The following OTOF variants were observed in gnomAD, a reference collection of about 807,000 sequenced individuals.
OTOF encodes fer-1-like family member 2.
OTOF carries 218 observed loss-of-function variants against 236.8 expected under a neutral mutation model. The observed-to-expected ratio is 0.92, with a 90% CI of 0.82 to 1.03. The LOEUF (loss-of-function observed/expected upper bound fraction) is 1.03, where lower values mean the gene tolerates loss of function less well. Ranked by LOEUF, OTOF falls within the 50% of genes least tolerant of loss-of-function variation. The probability of loss-of-function intolerance (pLI) is 0.00; values close to 1 mark genes in which losing one functional copy is unlikely to be tolerated. For synonymous variants in OTOF, 1,041 were observed against 1,072.5 expected, an observed-to-expected ratio of 0.97 and a Z score of 0.57; for missense variants, 2,590 against 2,694.4, an observed-to-expected ratio of 0.96 and a Z score of 0.86.
Position 26,461,567 on chromosome 2 carries a change from T to C in OTOF, c.5533+129A>G, listed in dbSNP as rs1664462846. 3 of 1,288,854 alleles carry C rather than the reference T, an allele frequency of 2.3e-6. No homozygotes were observed. Among genetic ancestry groups the C allele is most frequent in the Non-Finnish European group, 3.3e-6 (3 of 921,754 alleles). 79.8% of individuals were successfully genotyped at this position (1,288,854 alleles called of 1,614,324 possible). A position where few individuals can be genotyped will look rare whatever the true frequency, so the allele number is the denominator to read the frequency against. On this transcript the variant is annotated intron_variant, in intron 43 of 46. Coordinates refer to ENST00000272371, the MANE Select transcript of OTOF (RefSeq NM_194248.3). This position sits in a 1 kb window ranked among gnomAD's most constrained non-coding sequence, Gnocchi z 6.2. ...GGGGCGGAACCCCGTCGGACACCCC[T>C]GGCTCTGATGGACTGGAAGCAATGA...
chr2:26,498,538 C>T (rs1666043900), intron 8 of OTOF, among the ~76,000 whole-genome samples: 1 of 152,198 alleles, frequency 6.6e-6, no homozygotes, highest in African/African-American at 2.4e-5. Flanking sequence ...CAATCATCAG[C>T]AGAGGACTCA....
At chr2:26,471,029 G>A in intron 31 of OTOF, 92 bp downstream of exon 31, 2 of 1,496,502 alleles carry the variant, frequency 1.3e-6, no homozygotes, top group Non-Finnish European at 1.9e-6. Context: ...GCTGGGGCTG[G>A]CTCTGTCCCT....
chr2:26,519,158 G>C, intron 3 of OTOF, 49 bp from the exon 4 acceptor site: 1 of 1,248,848 alleles, frequency 8.0e-7, no homozygotes. Flanking sequence ...AGACCAGGGT[G>C]AGGAGCAAGA....
chr2:26,497,107 T>C lies in OTOF; in HGVS notation c.766-2034A>G, dbSNP rs1474465209. On this transcript the variant is annotated intron_variant, in intron 8 of 46. Coordinates refer to ENST00000272371, the MANE Select transcript of OTOF (RefSeq NM_194248.3). ...CATTCTTCTTTTTTTTTTTTTTTTT[T>C]TTTTTTTTTTTTTGAGACAGAGTCT... Among the ~76,000 whole-genome samples, 10 of 92,998 alleles carry C rather than the reference T, an allele frequency of 1.1e-4. No homozygotes were observed. In the East Asian group the frequency reaches 1.3e-3, roughly 12 times the overall value. 61.0% of individuals were successfully genotyped at this position (92,998 alleles called of 152,430 possible). A position where few individuals can be genotyped will look rare whatever the true frequency, so the allele number is the denominator to read the frequency against.
chr2:26,497,826 C>T (rs1666026612), intron 8 of OTOF, among the ~76,000 whole-genome samples: 1 of 152,194 alleles, frequency 6.6e-6, no homozygotes, highest in Non-Finnish European at 1.5e-5. Flanking sequence ...ATAGGACTAA[C>T]TAACTTAGCT....
intron 5 of OTOF, among the ~76,000 whole-genome samples, chr2:26,514,387 G>A (rs1415047055): frequency 1.3e-5 from 2 of 152,262 alleles, no homozygotes; most frequent in Non-Finnish European, 2.9e-5. Context: ...CCACCAGGCT[G>A]TGAGGAAGGG....
In OTOF at chr2:26,482,399, T is replaced by C. The variant is rs1403090319; in HGVS notation, c.1579+7A>G. 4 of 1,612,832 alleles carry C rather than the reference T, an allele frequency of 2.5e-6. No individual in the cohort carries two copies. In the African/African-American group the frequency reaches 5.3e-5, roughly 22 times the overall value. On this transcript the variant is annotated splice_region_variant and intron_variant, in intron 14 of 46. Coordinates refer to ENST00000272371, the MANE Select transcript of OTOF (RefSeq NM_194248.3). ...CCCCCCAGCACACCGGGTCTCCCGC[T>C]GCTGACCTTTGTCTCCGTCATTAGA...
chr2:26,551,203 T>C (rs936174908), intron 1 of OTOF, among the ~76,000 whole-genome samples: 1 of 152,230 alleles, frequency 6.6e-6, no homozygotes, highest in Non-Finnish European at 1.5e-5. Context: ...TTGGCCAGGC[T>C]GGTCTCAAAC....
At chr2:26,503,592 C>A (rs1052201599) in intron 6 of OTOF, among the ~76,000 whole-genome samples, 180 bp downstream of exon 6, 2 of 152,224 alleles carry the variant, frequency 1.3e-5, no homozygotes, top group African/African-American at 2.4e-5. Flanking sequence ...GGGCGCTGCC[C>A]GTTTCCCTCC....
At chr2:26,472,727 C>A (rs979104929) in intron 29 of OTOF, 78 bp from the exon 30 acceptor site, 3 of 1,477,774 alleles carry the variant, frequency 2.0e-6, no homozygotes, top group Non-Finnish European at 2.8e-6. Flanking sequence ...CAGGAAGGTG[C>A]GGAGAACTAA....
chr2:26,554,970 G>A (rs1193800557), intron 1 of OTOF, among the ~76,000 whole-genome samples: 2 of 152,158 alleles, frequency 1.3e-5, no homozygotes, highest in East Asian at 3.9e-4. Flanking sequence ...GGAGACATCA[G>A]GGTTGGCCCT....
chr2:26,528,064 A>T (rs1666853780), intron 2 of OTOF, 144 bp from the exon 3 acceptor site: 2 of 703,782 alleles, frequency 2.8e-6, no homozygotes, highest in Admixed American at 2.0e-5. Context: ...CAAAGCATTG[A>T]CACCTGGAAT....
Position 26,473,856 on chromosome 2 carries a change from C to T in OTOF, c.3408+135G>A. ...CGACTTGGTGCAGATGGGGGCAGGC[C>T]CTGGGCTGGGGCAGGAGCCTGGGTC... On this transcript the variant is annotated intron_variant, in intron 27 of 46. Coordinates refer to ENST00000272371, the MANE Select transcript of OTOF (RefSeq NM_194248.3). The surrounding 1 kb of genome is among the most constrained non-coding windows in gnomAD (Gnocchi z 7.2). 2 of 1,229,226 alleles carry T rather than the reference C, an allele frequency of 1.6e-6. No homozygotes were observed. Among genetic ancestry groups the T allele is most frequent in the South Asian group, 2.5e-5 (2 of 80,986 alleles). The allele number at this position is 1,229,226 out of a possible 1,614,324, so 76.1% of individuals were successfully genotyped here.
chr2:26,555,205 G>C (rs1246780973), intron 1 of OTOF, among the ~76,000 whole-genome samples: 1 of 152,214 alleles, frequency 6.6e-6, no homozygotes, highest in African/African-American at 2.4e-5. Context: ...CTCCTTCTTA[G>C]ATAGCCCACT....
Position 26,461,253 on chromosome 2 carries a change from C to T in OTOF, c.5534-223G>A, listed in dbSNP as rs1321496685. On this transcript the variant is annotated intron_variant, in intron 43 of 46. Coordinates refer to ENST00000272371, the MANE Select transcript of OTOF (RefSeq NM_194248.3). The surrounding 1 kb of genome is among the most constrained non-coding windows in gnomAD (Gnocchi z 6.2). ...TGCTTTACTCAGGTCCTTCTTTCAC[C>T]CCAGAGGGTCTCTCCTGGGGTCTCC... Among the ~76,000 whole-genome samples, 1 of 152,186 alleles carries T rather than the reference C, an allele frequency of 6.6e-6. No homozygotes were observed. Among genetic ancestry groups the T allele is most frequent in the Non-Finnish European group, 1.5e-5 (1 of 68,026 alleles).
At position 26,470,831 on chromosome 2, in the gene OTOF, G is replaced by A. The variant is rs568960776; in HGVS notation, c.3895-110C>T. The A allele has an allele frequency of 2.0e-5, 30 of 1,531,156 alleles. 1 individual carries two copies. The Admixed American group carries it at 3.7e-4, about 19-fold the overall frequency. The allele number at this position is 1,531,156 out of a possible 1,614,324, so 94.8% of individuals were successfully genotyped here. On this transcript the variant is annotated intron_variant, in intron 31 of 46. Coordinates refer to ENST00000272371, the MANE Select transcript of OTOF (RefSeq NM_194248.3). The surrounding 1 kb of genome is among the most constrained non-coding windows in gnomAD (Gnocchi z 4.3). ...CAGCAGGAAGCCTTGGGCTCCATGA[G>A]GCTCTGTGGGGCCACCCATGTCCAA...
intron 18 of OTOF, chr2:26,478,135 G>A: frequency 3.0e-6 from 3 of 991,744 alleles, no homozygotes; most frequent in Non-Finnish European, 4.0e-6. Context: ...GGAGCCTGTG[G>A]CAGGGGATGG....
chr2:26,558,076 G>A (rs549380024), intron 1 of OTOF, among the ~76,000 whole-genome samples: 1 of 151,988 alleles, frequency 6.6e-6, no homozygotes, highest in East Asian at 2.0e-4. Context: ...GTTTCTCCCA[G>A]TCACCCTGGG....
chr2:26,495,957 C>G lies in OTOF; in HGVS notation c.766-884G>C, dbSNP rs970947856. Among the ~76,000 whole-genome samples the G allele has an allele frequency of 2.6e-5, 4 of 152,206 alleles. No individual in the cohort carries two copies. In the East Asian group the frequency reaches 7.7e-4, roughly 29 times the overall value. ...TTTGCATTTCTGGAATTTGGCTCCC[C>G]CCCCTTTCCACATTGTTTGCTGAAT... is the stretch of plus-strand genomic sequence containing the variant. On this transcript the variant is annotated intron_variant, in intron 8 of 46. Coordinates refer to ENST00000272371, the MANE Select transcript of OTOF (RefSeq NM_194248.3).
Sources: gnomAD v4.1 joint callset for allele counts (sites outside exome capture counted in the v4.1 genomes callset) on GRCh38, gnomAD v4.1.1 for gene constraint, Gnocchi (gnomAD v3.1) non-coding constraint, MANE v1.5 for transcripts, NCBI Gene and HGNC (gene_info 2026-07-23, HGNC 2026-07-21) for gene names.